USH2A: variants seen among roughly 807,000 people sequenced by gnomAD.
USH2A encodes the protein Usher syndrome 2A (autosomal recessive, mild).
Under a neutral mutation model 538.9 loss-of-function variants are expected in USH2A, and 443 were observed. The ratio of observed to expected loss-of-function variants is 0.82; its 90% CI spans 0.76 to 0.89. The LOEUF (loss-of-function observed/expected upper bound fraction) is 0.89. Ranked by LOEUF, USH2A falls within the 40% of genes least tolerant of loss-of-function variation. The pLI is 0.00. For missense variants in USH2A, 6,633 were observed against 6,324.8 expected (o/e 1.05, Z -1.65); for synonymous variants, 2,413 against 2,273.5 (o/e 1.06, Z -1.75).
At chr1:216,253,286 C>G (rs780105802) in intron 11 of USH2A, among the ~76,000 whole-genome samples, 13 of 151,806 alleles carry the variant, frequency 8.6e-5, no homozygotes, top group Non-Finnish European at 1.5e-4. Context: ...TCAAGTGACT[C>G]TCTTGTTTCA....
chr1:215,993,101 C>G lies in USH2A; in HGVS notation c.6724G>C (p.Glu2242Gln), dbSNP rs375278546. Reference protein sequence around the residue: ...SEALTDEDIPEGVPAPKAHSY... With the variant: ...SEALTDEDIPQGVPAPKAHSY... Reference sequence around the variant, plus strand: ...TGGGCTTTGGGGGCTGGCACGCCTTCGGGTATGTCCTCGTCAGTTAGGGCC... The same window carrying G: ...TGGGCTTTGGGGGCTGGCACGCCTTGGGGTATGTCCTCGTCAGTTAGGGCC... Residue 2242 changes from glutamate to glutamine, a missense_variant, in exon 35 of 72, where the codon GAA (glutamate) becomes CAA (glutamine). Physicochemically the swap from Glu to Gln is conservative, Grantham distance 29. Coordinates refer to ENST00000307340, the MANE Select transcript of USH2A (RefSeq NM_206933.4). The G allele has an allele frequency of 6.2e-7, 1 of 1,613,912 alleles. No homozygotes were observed. The highest frequency in any genetic ancestry group is 1.7e-5 in the Admixed American group (1 of 59,984).
intron 13 of USH2A, among the ~76,000 whole-genome samples, chr1:216,244,254 C>T (rs2035991683): frequency 6.6e-6 from 1 of 152,054 alleles, no homozygotes; most frequent in East Asian, 1.9e-4. Context: ...TGTGTAGCTC[C>T]AGTGAAGTGG....
At position 215,879,041 on chromosome 1, in the gene USH2A, T is replaced by A. The variant is rs761411058; in HGVS notation, c.8281A>T (p.Met2761Leu). Reference sequence around the variant, plus strand: ...GTTAAAGTGATGTGAGGGTCAGGCATGTGAATCTCATAGCTAAGTATGTCT... The same window carrying A: ...GTTAAAGTGATGTGAGGGTCAGGCAAGTGAATCTCATAGCTAAGTATGTCT... ...NGDILSYEIHMPDPHITLTNV... is the reference protein window; with the variant it reads ...NGDILSYEIHLPDPHITLTNV... Residue 2761 changes from methionine to leucine, a missense_variant, in exon 42 of 72, where the codon ATG (methionine) becomes TTG (leucine). By Grantham distance (15) the Met-to-Leu change is conservative (BLOSUM62 2). Transcript: ENST00000307340. The A allele has an allele frequency of 6.2e-7, 1 of 1,614,070 alleles. No homozygotes were observed. The highest frequency in any genetic ancestry group is 2.2e-5 in the East Asian group (1 of 44,876).
At chr1:215,712,095 G>A (rs1004663900) in intron 61 of USH2A, among the ~76,000 whole-genome samples, 2 of 152,164 alleles carry the variant, frequency 1.3e-5, no homozygotes, top group South Asian at 4.1e-4. Context: ...AGGACAAAGA[G>A]ATGGACTCTC....
rs2102652861 is a variant in USH2A, at chr1:216,323,463, CATA to C, written c.1550+8_1550+10del. 6.2e-7 allele frequency: 1 copy of C among 1,612,846 alleles called. No individual in the cohort carries two copies. The highest frequency in any genetic ancestry group is 2.2e-5 in the East Asian group (1 of 44,720). ...CAAAAACCTTGTTGAAAACAAAATT[CATA>C]ATAATACCTCCCACTAATGGTGATT... On this transcript the variant is annotated splice_region_variant and intron_variant, in intron 8 of 71. Transcript: ENST00000307340.
chr1:216,241,684 G>T (rs975719042), intron 13 of USH2A, among the ~76,000 whole-genome samples: 3 of 152,054 alleles, frequency 2.0e-5, no homozygotes, highest in East Asian at 1.9e-4. Flanking sequence ...ACAGGCATGT[G>T]CCACCATGCC....
intron 71 of USH2A, among the ~76,000 whole-genome samples, chr1:215,626,951 A>T (rs1656047200): frequency 6.6e-6 from 1 of 152,212 alleles, no homozygotes; most frequent in Admixed American, 6.5e-5. Context: ...CATTGTTTCA[A>T]CCAAATATAA....
chr1:216,048,272 C>T lies in USH2A; in HGVS notation c.6163+262G>A, dbSNP rs185923298. Among the ~76,000 whole-genome samples, 15 of 152,252 alleles carry T rather than the reference C, an allele frequency of 9.9e-5. No homozygotes were observed. The East Asian group carries it at 2.5e-3, about 25-fold the overall frequency. On this transcript the variant is annotated intron_variant, in intron 31 of 71. Transcript: ENST00000307340. ...CAGATGCTTCATATTAATGACAAGGCTCTTGCATGAACAATGTAACAGCAA... is the reference window on the plus strand; with the variant it reads ...CAGATGCTTCATATTAATGACAAGGTTCTTGCATGAACAATGTAACAGCAA...
At chr1:215,963,394 C>T (rs542700905) in intron 37 of USH2A, among the ~76,000 whole-genome samples, 1 of 152,140 alleles carries the variant, frequency 6.6e-6, no homozygotes, top group East Asian at 1.9e-4. Context: ...ATCTCAGATG[C>T]TCCTTTTGCT....
chr1:215,689,820 C>T (rs184706803), intron 61 of USH2A, among the ~76,000 whole-genome samples: 12 of 152,264 alleles, frequency 7.9e-5, no homozygotes, highest in East Asian at 1.9e-4. Flanking sequence ...TTCAAACCTC[C>T]GGATGAGAAC....
At chr1:215,873,801 CAAA>C (rs35816736) in intron 43 of USH2A, among the ~76,000 whole-genome samples, 11 of 127,672 alleles carry the variant, frequency 8.6e-5, no homozygotes, top group Middle Eastern at 4.2e-3. Context: ...ATTGTCATTG[CAAA>C]AAAAAAAAAA....
chr1:215,966,828 G>C (rs542702681), intron 36 of USH2A, among the ~76,000 whole-genome samples: 12 of 152,106 alleles, frequency 7.9e-5, no homozygotes, highest in Non-Finnish European at 1.2e-4. Context: ...GACTTGAAAA[G>C]TTGAAGAATT....
chr1:215,857,226 C>A (rs1248451689), intron 44 of USH2A, among the ~76,000 whole-genome samples: 1 of 152,154 alleles, frequency 6.6e-6, no homozygotes, highest in Admixed American at 6.5e-5. Context: ...GGAAGAGATA[C>A]AGCTATAGCT....
At chr1:216,093,190 C>T (rs2032346741) in intron 22 of USH2A, among the ~76,000 whole-genome samples, 1 of 152,068 alleles carries the variant, frequency 6.6e-6, no homozygotes, top group Non-Finnish European at 1.5e-5. Flanking sequence ...GTCTTGAACT[C>T]CTGACCTTGT....
At chr1:216,179,887 A>T (rs1490710860) in intron 20 of USH2A, among the ~76,000 whole-genome samples, 1 of 152,126 alleles carries the variant, frequency 6.6e-6, no homozygotes, top group African/African-American at 2.4e-5. Context: ...AAGAGACAAC[A>T]CTGAATAATG....
At chr1:215,634,406 C>T (rs1656405344) in intron 70 of USH2A, 53 bp downstream of exon 70, 2 of 1,613,302 alleles carry the variant, frequency 1.2e-6, no homozygotes, top group South Asian at 2.2e-5. Context: ...AGAAGGAAAA[C>T]AAGTATTCTA....
Position 215,623,764 on chromosome 1 carries a change from T to C in USH2A, c.*2017A>G, listed in dbSNP as rs1050432728. ...CAGTTCTGTATTTTTTTGTGCGTTG[T>C]TAAAATTTTATACTGTGCTTGGAAA... On this transcript the variant is annotated 3_prime_UTR_variant, in exon 72 of 72. Transcript: ENST00000307340. The C allele has an allele frequency of 7.9e-5, 12 of 152,152 alleles. No individual in the cohort carries two copies. Among genetic ancestry groups the C allele is most frequent in the Non-Finnish European group, 1.5e-4 (10 of 68,014 alleles). 9.4% of individuals were successfully genotyped at this position (152,152 alleles called of 1,614,324 possible). A position where few individuals can be genotyped will look rare whatever the true frequency, so the allele number is the denominator to read the frequency against.
chr1:216,375,151 C>T (rs1280003800), intron 3 of USH2A, among the ~76,000 whole-genome samples: 6 of 152,126 alleles, frequency 3.9e-5, no homozygotes, highest in Admixed American at 2.6e-4. Context: ...AGGGCACCTA[C>T]CACCTGTGCA....
At chr1:216,318,979 G>A (rs927882329) in intron 9 of USH2A, among the ~76,000 whole-genome samples, 1 of 152,104 alleles carries the variant, frequency 6.6e-6, no homozygotes, top group African/African-American at 2.4e-5. Context: ...AAACAAGACA[G>A]GACGTCACAA....
Sources: allele counts gnomAD v4.1 joint callset (sites outside exome capture counted in the v4.1 genomes callset), GRCh38; gene constraint gnomAD v4.1.1; transcripts MANE v1.5; gene names NCBI Gene and HGNC (gene_info 2026-07-23, HGNC 2026-07-21).